KCNK2: variants seen among roughly 807,000 people sequenced by gnomAD.
The protein encoded by KCNK2 is potassium channel subfamily K member 2.
Under a neutral mutation model 40.5 loss-of-function variants are expected in KCNK2, and 21 were observed. The observed-to-expected ratio is 0.52, with a 90% CI of 0.37 to 0.75. The LOEUF is 0.75. Among genes scored for constraint, KCNK2 ranks in the 30% least tolerant of loss-of-function variants. The pLI is 0.00. For synonymous variants in KCNK2, 191 were observed against 202.2 expected, an observed-to-expected ratio of 0.94 and a Z score of 0.47; for missense variants, 399 against 531.6, an observed-to-expected ratio of 0.75 and a Z score of 2.45.
chr1:215,037,109 T>C (rs1263764223), intron 1 of KCNK2, among the ~76,000 whole-genome samples: 2 of 149,942 alleles, frequency 1.3e-5, no homozygotes, highest in Admixed American at 1.3e-4. Flanking sequence ...GGGCAAAGCA[T>C]TTATTATTCA....
At chr1:215,213,783 G>A (rs185214427) in intron 6 of KCNK2, among the ~76,000 whole-genome samples, 31 of 152,130 alleles carry the variant, frequency 2.0e-4, no homozygotes, top group East Asian at 3.9e-4. Context: ...CTTGTGGATC[G>A]CCCCACCTTG....
chr1:215,191,616 G>A (rs765787541), intron 5 of KCNK2, among the ~76,000 whole-genome samples: 1 of 152,258 alleles, frequency 6.6e-6, no homozygotes, highest in Non-Finnish European at 1.5e-5. Context: ...TGTCATATAA[G>A]AATGTCAGGA....
chr1:215,147,605 G>A (rs1662483139), intron 3 of KCNK2, among the ~76,000 whole-genome samples: 1 of 152,090 alleles, frequency 6.6e-6, no homozygotes, highest in South Asian at 2.1e-4. Context: ...GCTGAGGCGG[G>A]CGGATCACCT....
intron 1 of KCNK2, among the ~76,000 whole-genome samples, chr1:215,041,915 C>T (rs1657579326): frequency 6.6e-6 from 1 of 152,174 alleles, no homozygotes; most frequent in Non-Finnish European, 1.5e-5. Context: ...CACAGTTCCA[C>T]ATGGCCAGGA....
chr1:215,215,856 C>T (rs1665938692), intron 6 of KCNK2, among the ~76,000 whole-genome samples: 1 of 152,196 alleles, frequency 6.6e-6, no homozygotes, highest in African/African-American at 2.4e-5. Flanking sequence ...AGCCCCTGCA[C>T]TCTTCTGGGG....
At chr1:215,053,328 G>A (rs894423926) in intron 1 of KCNK2, among the ~76,000 whole-genome samples, 2 of 152,104 alleles carry the variant, frequency 1.3e-5, no homozygotes, top group African/African-American at 4.8e-5. Context: ...CTGGGTGGTG[G>A]GCAGGGAGAT....
intron 5 of KCNK2, among the ~76,000 whole-genome samples, chr1:215,177,274 G>C (rs1664015936): frequency 6.6e-6 from 1 of 151,874 alleles, no homozygotes; most frequent in South Asian, 2.1e-4. Context: ...AGATGCATAG[G>C]TTATACTTAT....
chr1:215,083,413 C>A lies in KCNK2; in HGVS notation c.28C>A (p.Pro10Thr), dbSNP rs752839443. Residue 10 changes from proline to threonine, a missense_variant, in exon 1 of 7, where the codon CCC becomes ACC. Pro to Thr is a conservative substitution (Grantham distance 38). Around this residue, in one of 3 missense-constraint regions of KCNK2, gnomAD observed 279 missense variants for 353.8 expected, o/e 0.79. Transcript: ENST00000444842. ...GCTTCCCAGCGCCTCGCGGGAGAGA[C>A]CCGGCTATAGAGCAGGAGGTGAGAC... MLPSASRER[P>T]GYRAGVAAPD... The A allele has an allele frequency of 8.7e-6, 14 of 1,613,808 alleles. No homozygotes were observed. Among genetic ancestry groups the A allele is most frequent in the Middle Eastern group, 1.7e-4 (1 of 6,026 alleles).
intron 1 of KCNK2, 115 bp downstream of exon 1, chr1:215,083,546 C>T: frequency 1.3e-6 from 1 of 781,000 alleles, no homozygotes. Context: ...CCCATCTTCG[C>T]TTCGCGTCCA....
intron 1 of KCNK2, among the ~76,000 whole-genome samples, chr1:215,028,162 G>A (rs1657060865): frequency 2.0e-5 from 3 of 152,132 alleles, no homozygotes; most frequent in African/African-American, 7.2e-5. Context: ...CAAGGTGGGT[G>A]GATCACCTGA....
intron 2 of KCNK2, among the ~76,000 whole-genome samples, chr1:215,121,445 T>C (rs1257701157): frequency 6.6e-6 from 1 of 152,084 alleles, no homozygotes; most frequent in African/African-American, 2.4e-5. Context: ...AGCTAATTTT[T>C]TGTATTTCTT....
chr1:215,202,115 C>CAGGTTT (rs1553273354), intron 6 of KCNK2, among the ~76,000 whole-genome samples: 1 of 152,058 alleles, frequency 6.6e-6, no homozygotes, highest in Non-Finnish European at 1.5e-5. Flanking sequence ...TAAAATTTCT[C>CAGGTTT]AGGTTTATGT....
intron 5 of KCNK2, among the ~76,000 whole-genome samples, chr1:215,177,740 A>ATTTTT (rs375712483): frequency 1.0e-3 from 106 of 101,566 alleles, no homozygotes; most frequent in African/African-American, 3.3e-3. Flanking sequence ...ATATATATAT[A>ATTTTT]TTTTTTTTTT....
intron 2 of KCNK2, among the ~76,000 whole-genome samples, chr1:215,097,331 C>T (rs1014884422): frequency 1.3e-5 from 2 of 151,588 alleles, no homozygotes; most frequent in African/African-American, 4.8e-5. Context: ...CAGACGTGTG[C>T]TTCTTTCTTC....
chr1:215,044,598 G>T (rs982914866), intron 1 of KCNK2, among the ~76,000 whole-genome samples: 1 of 152,084 alleles, frequency 6.6e-6, no homozygotes, highest in Non-Finnish European at 1.5e-5. Flanking sequence ...GCTTGGCAAA[G>T]TAACCCATTA....
At chr1:215,012,644 T>C (rs1411312292) in intron 1 of KCNK2, among the ~76,000 whole-genome samples, 1 of 129,174 alleles carries the variant, frequency 7.7e-6, no homozygotes, top group Non-Finnish European at 1.6e-5. Flanking sequence ...GCTAATTTTT[T>C]AGTTTTTTTT....
rs116335842 is a variant in KCNK2 at position 215,230,449 on chromosome 1, C to T, written c.964-4379C>T. 4.1e-3 allele frequency among the ~76,000 whole-genome samples: 547 copies of T among 134,420 alleles called. 6 individuals carry two copies. Among genetic ancestry groups the T allele is most frequent in the African/African-American group, 0.015 (521 of 35,470 alleles). The allele number at this position is 134,420 out of a possible 152,430, so 88.2% of individuals were successfully genotyped here. On this transcript the variant is annotated intron_variant, in intron 6 of 6. Coordinates refer to ENST00000444842, the MANE Select transcript of KCNK2 (RefSeq NM_001017425.3). ...CTGCTGTATATGCAGACCAAAAAAT[C>T]GTGTAGCTCATGGCTGTAGATATAT... is the stretch of plus-strand genomic sequence containing the variant.
intron 1 of KCNK2, among the ~76,000 whole-genome samples, chr1:215,054,356 C>A (rs544724087): frequency 6.6e-6 from 1 of 152,146 alleles, no homozygotes; most frequent in African/African-American, 2.4e-5. Context: ...ACCCCCAGGC[C>A]AATTTGGAAA....
intron 1 of KCNK2, among the ~76,000 whole-genome samples, chr1:215,009,843 A>C (rs1656315691): frequency 6.6e-6 from 1 of 152,148 alleles, no homozygotes; most frequent in African/African-American, 2.4e-5. Context: ...TCTCTACTAT[A>C]AGTATATCCC....
Sources: gnomAD v4.1 joint callset for allele counts (sites outside exome capture counted in the v4.1 genomes callset) on GRCh38, gnomAD v4.1.1 for gene constraint, gnomAD v4.1.1 regional missense constraint, MANE v1.5 for transcripts, NCBI Gene and HGNC (gene_info 2026-07-23, HGNC 2026-07-21) for gene names.